The following DPRX variants were observed in gnomAD, a reference collection of about 807,000 sequenced individuals.
The protein encoded by DPRX is divergent paired-related homeobox.
A neutral mutation model predicts 8.4 loss-of-function variants in DPRX; 11 were observed. The ratio of observed to expected loss-of-function variants is 1.31; its 90% CI spans 0.82 to 2.17. DPRX has a LOEUF of 2.17. Among genes scored for constraint, DPRX ranks in the 30% most tolerant of loss-of-function variants. The pLI, the probability that DPRX is intolerant of heterozygous loss-of-function variation, is 0.00. For missense variants in DPRX, 211 were observed against 236.7 expected (o/e 0.89, Z 0.71); for synonymous variants, 72 against 87.0 (o/e 0.83, Z 0.96).
At chr19:53,606,642 G>T in the DPRX span, 1 of 152,746 alleles carries the variant, frequency 6.5e-6, no homozygotes, top group African/African-American at 2.4e-5. This position sits in a 1 kb window ranked among gnomAD's most constrained non-coding sequence, Gnocchi z 4.8. Context: ...GAGCGGTGAG[G>T]GTGGAGGCGG....
intron 2 of DPRX, 117 bp from the exon 3 acceptor site, chr19:53,636,479 A>G: frequency 2.3e-6 from 2 of 884,672 alleles, no homozygotes; most frequent in Non-Finnish European, 3.0e-6. Flanking sequence ...TAAAAAAAAG[A>G]ATATAAATAA....
chr19:53,625,830 G>T, the DPRX span, among the ~76,000 whole-genome samples: 1 of 151,900 alleles, frequency 6.6e-6, no homozygotes, highest in African/African-American at 2.4e-5. Context: ...TAGAGACGGG[G>T]TTTCACCATG....
the DPRX span, among the ~76,000 whole-genome samples, chr19:53,613,049 T>A: frequency 6.6e-6 from 1 of 152,042 alleles, no homozygotes; most frequent in African/African-American, 2.4e-5. Context: ...ATGGCAGGAT[T>A]TGGGGAAAAG....
At chr19:53,612,148 C>G in the DPRX span, among the ~76,000 whole-genome samples, 2 of 150,708 alleles carry the variant, frequency 1.3e-5, no homozygotes, top group Non-Finnish European at 2.9e-5. Context: ...CATTGGGGGG[C>G]CAAGGCAGGA....
At chr19:53,623,542 G>A in the DPRX span, among the ~76,000 whole-genome samples, 1 of 152,052 alleles carries the variant, frequency 6.6e-6, no homozygotes, top group African/African-American at 2.4e-5. Context: ...GGAGGCTGAG[G>A]AAGGAGAATC....
the DPRX span, among the ~76,000 whole-genome samples, chr19:53,610,298 C>T: frequency 1.2e-4 from 18 of 149,490 alleles, no homozygotes; most frequent in African/African-American, 3.9e-4. Context: ...CCAGCCTGGG[C>T]GACAGAGCAA....
chr19:53,623,018 T>C, the DPRX span, among the ~76,000 whole-genome samples: 6 of 152,076 alleles, frequency 3.9e-5, no homozygotes. Flanking sequence ...TAAAAAGCCA[T>C]TCCTGGGCCA....
the DPRX span, among the ~76,000 whole-genome samples, chr19:53,609,667 A>C: frequency 6.4e-4 from 97 of 152,002 alleles, no homozygotes; most frequent in Non-Finnish European, 1.1e-3. Flanking sequence ...GGGGTTCTAG[A>C]CCAGCCTGAC....
At chr19:53,602,787 G>A in the DPRX span, among the ~76,000 whole-genome samples, 13 of 151,262 alleles carry the variant, frequency 8.6e-5, no homozygotes, top group South Asian at 6.3e-4. Context: ...CTCCCCCCCG[G>A]CACCCGGCCT....
chr19:53,630,203 A>G (rs28820644), upstream of DPRX, among the ~76,000 whole-genome samples: 1,174 of 141,176 alleles, frequency 8.3e-3, 22 homozygotes, highest in African/African-American at 0.03. Context: ...ACAGAGTGAG[A>G]CTCCATCTCA....
intron 2 of DPRX, among the ~76,000 whole-genome samples, chr19:53,635,510 A>C (rs2091108710): frequency 6.6e-6 from 1 of 151,878 alleles, no homozygotes; most frequent in Non-Finnish European, 1.5e-5. Context: ...CCTCCCGAGC[A>C]GCTGATACTA....
At chr19:53,622,322 G>T in the DPRX span, among the ~76,000 whole-genome samples, 1 of 152,110 alleles carries the variant, frequency 6.6e-6, no homozygotes, top group African/African-American at 2.4e-5. Flanking sequence ...AAATGTCAGC[G>T]TCACATATTT....
At chr19:53,631,498 A>G (rs866695144), upstream of DPRX, among the ~76,000 whole-genome samples, 1 of 151,984 alleles carries the variant, frequency 6.6e-6, no homozygotes, top group African/African-American at 2.4e-5. Context: ...TGCTTGTTAG[A>G]TATGGAAATC....
chr19:53,618,633 A>T, the DPRX span, among the ~76,000 whole-genome samples: 4 of 150,512 alleles, frequency 2.7e-5, no homozygotes, highest in African/African-American at 4.9e-5. Flanking sequence ...AAAAAAAAAA[A>T]AGAGTACTAA....
chr19:53,630,989 G>A (rs2091090443), upstream of DPRX, among the ~76,000 whole-genome samples: 1 of 151,844 alleles, frequency 6.6e-6, no homozygotes, highest in Non-Finnish European at 1.5e-5. Flanking sequence ...TGGGATTACA[G>A]GTGCCCACCA....
At chr19:53,631,097 T>C (rs536164613), upstream of DPRX, among the ~76,000 whole-genome samples, 3 of 151,620 alleles carry the variant, frequency 2.0e-5, no homozygotes, top group African/African-American at 7.2e-5. Flanking sequence ...TCCGCCTGCC[T>C]CAGCCTCCCA....
the DPRX span, among the ~76,000 whole-genome samples, chr19:53,623,619 C>G: frequency 4.0e-5 from 6 of 150,068 alleles, no homozygotes; most frequent in South Asian, 1.3e-3. Flanking sequence ...ACCTGGGCAA[C>G]GAGAGTGAAA....
the DPRX span, among the ~76,000 whole-genome samples, chr19:53,618,557 A>G: frequency 6.6e-6 from 1 of 150,884 alleles, no homozygotes; most frequent in East Asian, 1.9e-4. Context: ...GATCGCTTGA[A>G]CCAAGGAGTT....
chr19:53,607,645 A>G, the DPRX span, among the ~76,000 whole-genome samples: 1 of 149,252 alleles, frequency 6.7e-6, no homozygotes, highest in African/African-American at 2.5e-5. Context: ...TGAGGTCAGG[A>G]GTTTGAGACC....
Sources: allele counts gnomAD v4.1 joint callset (sites outside exome capture counted in the v4.1 genomes callset), GRCh38; gene constraint gnomAD v4.1.1; non-coding constraint Gnocchi (gnomAD v3.1); transcripts MANE v1.5; gene names NCBI Gene and HGNC (gene_info 2026-07-23, HGNC 2026-07-21).